The following PCDHGA5 variants were observed in gnomAD, a reference collection of about 807,000 sequenced individuals.
PCDHGA5 encodes the protein protocadherin gamma-A5.
PCDHGA5 carries 36 observed loss-of-function variants against 56.7 expected under a neutral mutation model. That is an observed-to-expected ratio of 0.64 (90% confidence interval 0.49 to 0.84). The LOEUF is 0.84. PCDHGA5 is among the 40% of genes least tolerant of loss of function. The probability of loss-of-function intolerance (pLI) is 0.00; values close to 1 mark genes in which losing one functional copy is unlikely to be tolerated. For missense variants in PCDHGA5, 1,305 were observed against 1,201.5 expected, an observed-to-expected ratio of 1.09 and a Z score of -1.27; for synonymous variants, 563 against 520.2, an observed-to-expected ratio of 1.08 and a Z score of -1.12.
chr5:141,364,669 A>T lies in PCDHGA5; in HGVS notation c.339A>T (p.Lys113Asn), dbSNP rs1763470346. The change falls in exon 1 of 4, where the codon AAA becomes AAT. Residue 113 changes from lysine (K) to asparagine (N), a missense_variant. Transcript: ENST00000518069. ...ACTTTAACATCTTGGTTGAGAACAA[A>T]ATGAAAATTTATGGAGTAGAAGTAG... ...VVNFNILVEN[K>N]MKIYGVEVEI... The T allele has an allele frequency of 1.9e-6, 3 of 1,613,898 alleles. No individual in the cohort carries two copies. The highest frequency in any genetic ancestry group is 2.5e-6 in the Non-Finnish European group (3 of 1,179,908).
At chr5:141,418,752 C>T (rs2096284996) in intron 1 of PCDHGA5, 1 of 1,613,874 alleles carries the variant, frequency 6.2e-7, no homozygotes, top group African/African-American at 1.3e-5. Flanking sequence ...GATTACACTA[C>T]AGGAAACATT....
At chr5:141,495,015 G>C in intron 2 of PCDHGA5, 150 bp downstream of exon 2, 2 of 1,507,428 alleles carry the variant, frequency 1.3e-6, no homozygotes, top group East Asian at 4.9e-5. Flanking sequence ...CGGGGGGCTG[G>C]CACACAGACC....
At chr5:141,373,732 C>T (rs969264007) in intron 1 of PCDHGA5, among the ~76,000 whole-genome samples, 1 of 152,174 alleles carries the variant, frequency 6.6e-6, no homozygotes, top group African/African-American at 2.4e-5. Flanking sequence ...CTTCTAAATG[C>T]TTCATTATCT....
In PCDHGA5 at chr5:141,489,720, G is replaced by A. The variant is rs560729125; in HGVS notation, c.2422-5087G>A. ...TCCCACTGGACAGTGCCCAGGATCC[G>A]GATGTGGGCACCAATACTGTGAGCT... On this transcript the variant is annotated intron_variant, in intron 1 of 3. Transcript: ENST00000518069. The surrounding 1 kb of genome is among the most constrained non-coding windows in gnomAD (Gnocchi z 4.5). The A allele has an allele frequency of 3.2e-5, 51 of 1,614,200 alleles. No individual in the cohort carries two copies. The highest frequency in any genetic ancestry group is 9.3e-5 in the African/African-American group (7 of 75,048).
At chr5:141,445,070 A>G (rs185808898) in intron 1 of PCDHGA5, among the ~76,000 whole-genome samples, 30 of 152,306 alleles carry the variant, frequency 2.0e-4, no homozygotes, top group African/African-American at 7.2e-4. Context: ...TATATTTCTC[A>G]TTAAATTGTC....
At chr5:141,429,610 T>C (rs2097228693) in intron 1 of PCDHGA5, among the ~76,000 whole-genome samples, 2 of 152,230 alleles carry the variant, frequency 1.3e-5, no homozygotes, top group African/African-American at 4.8e-5. Flanking sequence ...AACTCAATTT[T>C]ATGTCTGATA....
intron 1 of PCDHGA5, chr5:141,400,515 T>A: frequency 6.2e-7 from 1 of 1,613,988 alleles, no homozygotes. Flanking sequence ...CGACTTCCCA[T>A]CCTGAGTTGG....
chr5:141,431,506 G>T lies in PCDHGA5; in HGVS notation c.2422-63301G>T. 1.2e-6 allele frequency: 2 copies of T among 1,613,988 alleles called. No homozygotes were observed. Among genetic ancestry groups the T allele is most frequent in the South Asian group, 2.2e-5 (2 of 91,084 alleles). The stretch of plus-strand genomic sequence containing the variant: ...CGTTTGCTCAGCCCGAGTACCGCGC[G>T]AGCGTTCCGGAGAATCTGGCCTTGG... On this transcript the variant is annotated intron_variant, in intron 1 of 3. Coordinates refer to ENST00000518069, the MANE Select transcript of PCDHGA5 (RefSeq NM_018918.3). This position sits in a 1 kb window ranked among gnomAD's most constrained non-coding sequence, Gnocchi z 4.8.
Position 141,364,339 on chromosome 5 carries a change from T to A in PCDHGA5, c.9T>A (p.Ser3Arg). 1 of 1,532,912 alleles carries A rather than the reference T, an allele frequency of 6.5e-7. No individual in the cohort carries two copies. The allele number at this position is 1,532,912 out of a possible 1,614,324, so 95.0% of individuals were successfully genotyped here. A position where few individuals can be genotyped will look rare whatever the true frequency, so the allele number is the denominator to read the frequency against. Residue 3 changes from serine (S) to arginine (R), a missense_variant, in exon 1 of 4, where the codon AGT becomes AGA. Coordinates refer to ENST00000518069, the MANE Select transcript of PCDHGA5 (RefSeq NM_018918.3). ...TGGGCAGAGAGAAGGCAATGGCGAG[T>A]CCACCTAGGGGCTGGGGCTGCGGAG... is the stretch of plus-strand genomic sequence containing the variant. MA[S>R]PPRGWGCGEL...
intron 1 of PCDHGA5, chr5:141,428,212 C>A (rs1295973505): frequency 8.0e-7 from 1 of 1,255,000 alleles, no homozygotes; most frequent in Non-Finnish European, 1.1e-6. Context: ...TACGCTTCAC[C>A]TAGTCTTCGC....
chr5:141,431,674 G>A lies in PCDHGA5; in HGVS notation c.2422-63133G>A, dbSNP rs756385496. ...ATTCAGGGACAATATCAACAATAGG[G>A]GAGTTGGACCACGAGGAGTCAGGAT... On this transcript the variant is annotated intron_variant, in intron 1 of 3. Transcript: ENST00000518069. The surrounding 1 kb of genome is among the most constrained non-coding windows in gnomAD (Gnocchi z 4.8). 4 of 1,614,234 alleles carry A rather than the reference G, an allele frequency of 2.5e-6. No individual in the cohort carries two copies. The Admixed American group carries it at 6.7e-5, about 27-fold the overall frequency.
At chr5:141,441,916 C>T (rs1340767725) in intron 1 of PCDHGA5, 9 of 352,248 alleles carry the variant, frequency 2.6e-5, no homozygotes, top group Non-Finnish European at 4.9e-5. Context: ...AGATGTGAGA[C>T]ACAATGCGTG....
intron 1 of PCDHGA5, chr5:141,421,852 C>T: frequency 6.2e-7 from 1 of 1,613,770 alleles, no homozygotes; most frequent in South Asian, 1.1e-5. Context: ...AGAGGCTGCT[C>T]ACCTGCTCCT....
intron 1 of PCDHGA5, chr5:141,385,465 G>A: frequency 6.9e-7 from 1 of 1,441,910 alleles, no homozygotes; most frequent in Non-Finnish European, 9.1e-7. Flanking sequence ...TCCTTCAGTG[G>A]TGACACTTTA....
intron 1 of PCDHGA5, chr5:141,405,402 C>T: frequency 6.3e-7 from 1 of 1,589,724 alleles, no homozygotes; most frequent in Non-Finnish European, 8.6e-7. Flanking sequence ...TTCTTTCTTT[C>T]TTTTCTTTTT....
At chr5:141,383,533 C>T (rs2240698) in intron 1 of PCDHGA5, 21,821 of 1,612,448 alleles carry the variant, frequency 0.014, 752 homozygotes, top group East Asian at 0.14. Flanking sequence ...CCACCTGGTC[C>T]TCACAGCCTC....
At chr5:141,421,119 C>A (rs542039688) in intron 1 of PCDHGA5, 2 of 772,768 alleles carry the variant, frequency 2.6e-6, no homozygotes, top group South Asian at 1.9e-5. Flanking sequence ...TATTTTCCTT[C>A]GCTTTCTGAT....
chr5:141,403,163 A>C, intron 1 of PCDHGA5: 1 of 1,614,052 alleles, frequency 6.2e-7, no homozygotes, highest in South Asian at 1.1e-5. Flanking sequence ...CTCTAGAGGT[A>C]GGACGCAGCT....
At chr5:141,399,445 G>A (rs2093810599) in intron 1 of PCDHGA5, 1 of 1,614,032 alleles carries the variant, frequency 6.2e-7, no homozygotes, top group Non-Finnish European at 8.5e-7. Context: ...ACATATCAGA[G>A]ACGTCAACGA....
Sources: gnomAD v4.1 joint callset for allele counts (sites outside exome capture counted in the v4.1 genomes callset) on GRCh38, gnomAD v4.1.1 for gene constraint, Gnocchi (gnomAD v3.1) non-coding constraint, MANE v1.5 for transcripts, NCBI Gene and HGNC (gene_info 2026-07-23, HGNC 2026-07-21) for gene names.